Variants in DLGAP2 observed in about 807,000 individuals in gnomAD.
DLGAP2 encodes DLG associated protein 2.
In DLGAP2, 26 loss-of-function variants were observed where a neutral mutation model predicts 100.3. That is an observed-to-expected ratio of 0.26 (90% CI 0.19 to 0.36). The LOEUF (loss-of-function observed/expected upper bound fraction) is 0.36, where lower values mean the gene tolerates loss of function less well. DLGAP2 is among the 10% of genes least tolerant of loss of function. The pLI is 1.00. For synonymous variants in DLGAP2, 886 were observed against 630.1 expected, an observed-to-expected ratio of 1.41 and a Z score of -6.08; for missense variants, 1,858 against 1,453.2, an observed-to-expected ratio of 1.28 and a Z score of -4.53.
chr8:1,621,131 C>G (rs1417441137), intron 6 of DLGAP2: 1 of 152,284 alleles, frequency 6.6e-6, no homozygotes, highest in Non-Finnish European at 1.5e-5. Context: ...AGCACCCAGA[C>G]TTACGTGGGA....
In DLGAP2 at chr8:1,697,258, C is replaced by A; in HGVS notation, c.2908C>A (p.Arg970=). The A allele has an allele frequency of 6.2e-7, 1 of 1,610,030 alleles. No individual in the cohort carries two copies. The highest frequency in any genetic ancestry group is 8.5e-7 in the Non-Finnish European group (1 of 1,177,692). ...SMKFDELQRL[R]LNDWKMMESP... is the part of the protein sequence containing the mutation. ...GAAGTTCGACGAGCTGCAGCGGCTG[C>A]GGCTCAACGACTGGAAGATGATGGA... The change falls in exon 14 of 15, where the codon CGG becomes AGG. Residue 970 remains arginine, a synonymous_variant. Coordinates refer to ENST00000637795, the MANE Select transcript of DLGAP2 (RefSeq NM_001346810.2).
chr8:1,200,276 G>A (rs367985594), intron 2 of DLGAP2, among the ~76,000 whole-genome samples: 5 of 152,284 alleles, frequency 3.3e-5, no homozygotes, highest in South Asian at 4.2e-4. Context: ...TTCATGCGCC[G>A]TCTCCAGCCT....
chr8:1,415,625 C>T (rs1336590107), intron 3 of DLGAP2, among the ~76,000 whole-genome samples: 1 of 152,194 alleles, frequency 6.6e-6, no homozygotes, highest in Non-Finnish European at 1.5e-5. Context: ...ATCCGTGTTG[C>T]TGCAGAGGAC....
intron 3 of DLGAP2, among the ~76,000 whole-genome samples, chr8:1,352,148 G>A (rs868208359): frequency 3.9e-5 from 4 of 102,388 alleles, no homozygotes; most frequent in South Asian, 4.1e-4. Context: ...CTGACTGTGT[G>A]TGGAAAGGCC....
intron 6 of DLGAP2, among the ~76,000 whole-genome samples, chr8:1,618,407 G>A (rs1375618055): frequency 6.6e-6 from 1 of 152,110 alleles, no homozygotes; most frequent in East Asian, 1.9e-4. Flanking sequence ...TAAATAAATC[G>A]AGAGCTAGAC....
At chr8:1,652,431 T>C (rs982636172) in intron 8 of DLGAP2, among the ~76,000 whole-genome samples, 3 of 152,208 alleles carry the variant, frequency 2.0e-5, no homozygotes, top group African/African-American at 7.2e-5. Flanking sequence ...TGTTGATTTA[T>C]TTAGTGAAAA....
intron 2 of DLGAP2, among the ~76,000 whole-genome samples, chr8:1,131,538 A>G (rs1585089802): frequency 6.6e-6 from 1 of 152,086 alleles, no homozygotes; most frequent in East Asian, 1.9e-4. Flanking sequence ...CACTTCCCAA[A>G]GGCCACACCC....
intron 2 of DLGAP2, among the ~76,000 whole-genome samples, chr8:1,172,992 T>C (rs1797162927): frequency 6.6e-6 from 1 of 152,172 alleles, no homozygotes; most frequent in South Asian, 2.1e-4. Context: ...CTGCTCTGTT[T>C]TTTCCCCATC....
chr8:973,322 G>A (rs1240666469), intron 2 of DLGAP2, among the ~76,000 whole-genome samples: 10 of 151,700 alleles, frequency 6.6e-5, no homozygotes, highest in South Asian at 2.1e-4. Flanking sequence ...CAGACAGGGC[G>A]GCTGCCGGGC....
At chr8:1,455,080 G>A (rs1167655094) in intron 3 of DLGAP2, among the ~76,000 whole-genome samples, 1 of 152,218 alleles carries the variant, frequency 6.6e-6, no homozygotes. Flanking sequence ...CACATCATCA[G>A]CTCCTTGGCT....
intron 6 of DLGAP2, among the ~76,000 whole-genome samples, chr8:1,571,929 G>A (rs2906591): frequency 0.13 from 12,856 of 98,512 alleles, 883 homozygotes; most frequent in Admixed American, 0.21. Context: ...CTGTGGGGGC[G>A]TCTGCTGGGA....
chr8:947,866 T>G (rs1799368203), intron 2 of DLGAP2, among the ~76,000 whole-genome samples: 1 of 138,426 alleles, frequency 7.2e-6, no homozygotes, highest in Non-Finnish European at 1.5e-5. Context: ...GTGCCATGGC[T>G]CCCCAACCCT....
intron 2 of DLGAP2, among the ~76,000 whole-genome samples, chr8:1,053,394 A>G (rs1802780044): frequency 6.6e-6 from 1 of 152,116 alleles, no homozygotes; most frequent in Non-Finnish European, 1.5e-5. Flanking sequence ...TACCCTTGGA[A>G]GGGAAGGAGC....
chr8:1,101,715 G>A (rs934729689), intron 2 of DLGAP2, among the ~76,000 whole-genome samples: 1 of 133,902 alleles, frequency 7.5e-6, no homozygotes, highest in African/African-American at 2.7e-5. Flanking sequence ...TCACCCCGGA[G>A]CCGAACACGA....
intron 2 of DLGAP2, among the ~76,000 whole-genome samples, chr8:1,126,401 G>C (rs1240101390): frequency 6.6e-6 from 1 of 151,082 alleles, no homozygotes; most frequent in Non-Finnish European, 1.5e-5. Context: ...GAGGGAGGCA[G>C]GGGAGAGAAG....
intron 2 of DLGAP2, among the ~76,000 whole-genome samples, chr8:1,223,678 G>T (rs1172060527): frequency 6.6e-6 from 1 of 152,182 alleles, no homozygotes; most frequent in Non-Finnish European, 1.5e-5. Flanking sequence ...AAAGGGAAGA[G>T]CAAGACTTGT....
intron 2 of DLGAP2, among the ~76,000 whole-genome samples, chr8:1,072,597 G>A (rs901910653): frequency 1.3e-5 from 2 of 152,142 alleles, no homozygotes; most frequent in Admixed American, 1.3e-4. Flanking sequence ...GAGAGCATTG[G>A]GTGTGTGTTC....
chr8:1,587,470 G>T (rs930764516), intron 6 of DLGAP2, among the ~76,000 whole-genome samples: 73 of 152,188 alleles, frequency 4.8e-4, no homozygotes, highest in African/African-American at 1.7e-3. Context: ...AGACCTATTT[G>T]TTGTTTCATT....
chr8:1,335,918 G>A (rs1801262566), intron 3 of DLGAP2, among the ~76,000 whole-genome samples: 1 of 151,702 alleles, frequency 6.6e-6, no homozygotes, highest in African/African-American at 2.4e-5. Flanking sequence ...CAGGACCCTA[G>A]AGCCGGGGCT....
Sources: allele counts gnomAD v4.1 joint callset (sites outside exome capture counted in the v4.1 genomes callset), GRCh38; gene constraint gnomAD v4.1.1; transcripts MANE v1.5; gene names NCBI Gene and HGNC (gene_info 2026-07-23, HGNC 2026-07-21).